NCOA2: variants seen among roughly 807,000 people sequenced by gnomAD.
The protein encoded by NCOA2 is class E basic helix-loop-helix protein 75.
In NCOA2, 21 loss-of-function variants were observed where a neutral mutation model predicts 145.1. The observed-to-expected ratio is 0.14, with a 90% CI of 0.10 to 0.21. NCOA2 has a LOEUF of 0.21. Among genes scored for constraint, NCOA2 ranks in the 10% least tolerant of loss-of-function variants. The pLI is 1.00. For synonymous variants in NCOA2, 619 were observed against 637.5 expected, an observed-to-expected ratio of 0.97 and a Z score of 0.44; for missense variants, 1,472 against 1,837.6, an observed-to-expected ratio of 0.80 and a Z score of 3.64.
At chr8:70,367,041 T>C (rs1027624408) in intron 1 of NCOA2, among the ~76,000 whole-genome samples, 11 of 152,226 alleles carry the variant, frequency 7.2e-5, no homozygotes, top group African/African-American at 2.7e-4. Context: ...AGAAATCTTC[T>C]ACAGTTCTCC....
intron 2 of NCOA2, among the ~76,000 whole-genome samples, chr8:70,243,789 T>TG (rs1276799626): frequency 3.0e-5 from 2 of 66,252 alleles, no homozygotes; most frequent in African/African-American, 9.0e-5. Context: ...AAATAAAAAA[T>TG]GGAAAAAAAA....
At chr8:70,182,672 A>G (rs62533472) in intron 4 of NCOA2, among the ~76,000 whole-genome samples, 14,910 of 152,214 alleles carry the variant, frequency 0.098, 980 homozygotes, top group Non-Finnish European at 0.15. Flanking sequence ...TATAGTACCT[A>G]TCAGTATTGA....
chr8:70,308,859 T>A (rs1388394744), intron 1 of NCOA2, among the ~76,000 whole-genome samples: 1 of 152,172 alleles, frequency 6.6e-6, no homozygotes, highest in Non-Finnish European at 1.5e-5. Flanking sequence ...GAACAGAAAC[T>A]GTGAAAGATT....
intron 1 of NCOA2, among the ~76,000 whole-genome samples, chr8:70,363,627 T>A (rs1586601288): frequency 6.6e-6 from 1 of 152,128 alleles, no homozygotes; most frequent in Admixed American, 6.5e-5. Context: ...AAACTACTCA[T>A]ACACCCAACA....
Position 70,273,821 on chromosome 8 carries a change from T to G in NCOA2, c.-20+22923A>C, listed in dbSNP as rs973106332. 7.0e-6 allele frequency: 4 copies of G among 568,758 alleles called. No homozygotes were observed. In the African/African-American group the frequency reaches 7.5e-5, roughly 11 times the overall value. 35.2% of individuals were successfully genotyped at this position (568,758 alleles called of 1,614,324 possible). A position where few individuals can be genotyped will look rare whatever the true frequency, so the allele number is the denominator to read the frequency against. On this transcript the variant is annotated intron_variant, in intron 2 of 22. Coordinates refer to ENST00000452400, the MANE Select transcript of NCOA2 (RefSeq NM_006540.4). ...ATCTTGTGGAGAATTTGGATGAGGCTTCCAAGAATGAGGCAAACTGAAGTG... is the reference window on the plus strand; with the variant it reads ...ATCTTGTGGAGAATTTGGATGAGGCGTCCAAGAATGAGGCAAACTGAAGTG...
chr8:70,325,960 T>C (rs956537939), intron 1 of NCOA2, among the ~76,000 whole-genome samples: 15 of 152,130 alleles, frequency 9.9e-5, no homozygotes, highest in Admixed American at 3.3e-4. Flanking sequence ...ACCATTCTAA[T>C]AGCAGAGGCA....
upstream of NCOA2, among the ~76,000 whole-genome samples, chr8:70,405,013 CTG>C (rs1814705369): frequency 6.6e-6 from 1 of 152,186 alleles, no homozygotes; most frequent in Admixed American, 6.5e-5. Flanking sequence ...GTGAATCTGA[CTG>C]TGCTAGGTGA....
At chr8:70,441,813 AAAGAAGAAAG>A in the NCOA2 span, among the ~76,000 whole-genome samples, 5 of 143,582 alleles carry the variant, frequency 3.5e-5, no homozygotes, top group African/African-American at 5.4e-5. Context: ...AGAAAGAAAG[AAAGAAGAAAG>A]AAGAAAGAAA....
At chr8:70,371,523 GA>G (rs954645101) in intron 1 of NCOA2, among the ~76,000 whole-genome samples, 1 of 151,792 alleles carries the variant, frequency 6.6e-6, no homozygotes, top group Non-Finnish European at 1.5e-5. Context: ...TGATTTTATG[GA>G]AAAAAAGGAC....
intron 1 of NCOA2, among the ~76,000 whole-genome samples, chr8:70,382,517 A>T (rs1812295308): frequency 6.6e-6 from 1 of 152,198 alleles, no homozygotes; most frequent in Non-Finnish European, 1.5e-5. Flanking sequence ...TATCTGTTGC[A>T]CCAGGTCCAC....
chr8:70,345,718 C>A (rs534299215), intron 1 of NCOA2, among the ~76,000 whole-genome samples: 2 of 152,070 alleles, frequency 1.3e-5, no homozygotes, highest in African/African-American at 4.8e-5. Flanking sequence ...TAGTCCAACA[C>A]CCTCAAAAAT....
chr8:70,413,682 C>G, the NCOA2 span, among the ~76,000 whole-genome samples: 1 of 152,200 alleles, frequency 6.6e-6, no homozygotes, highest in Non-Finnish European at 1.5e-5. Flanking sequence ...AACACCCACT[C>G]CAGCAATAGT....
chr8:70,298,252 G>A (rs1283370343), intron 1 of NCOA2, among the ~76,000 whole-genome samples: 2 of 152,228 alleles, frequency 1.3e-5, no homozygotes, highest in East Asian at 3.9e-4. Context: ...ATTTTTCTTG[G>A]ACACTAGAAA....
the NCOA2 span, among the ~76,000 whole-genome samples, chr8:70,430,544 G>A: frequency 6.6e-6 from 1 of 152,128 alleles, no homozygotes; most frequent in South Asian, 2.1e-4. Context: ...TCTGCCTTGT[G>A]GCAGTTCCTC....
intron 2 of NCOA2, among the ~76,000 whole-genome samples, chr8:70,291,331 T>C (rs1032924752): frequency 6.6e-5 from 10 of 152,298 alleles, no homozygotes; most frequent in African/African-American, 2.4e-4. Flanking sequence ...TCAAAAGATT[T>C]ACACAAGATA....
chr8:70,259,303 A>G (rs115279438), intron 2 of NCOA2, among the ~76,000 whole-genome samples: 1,831 of 152,284 alleles, frequency 0.012, 49 homozygotes, highest in African/African-American at 0.042. Context: ...AAATAAGGAC[A>G]AAAAAGTAGA....
At chr8:70,402,664 C>G (rs1175710224) in intron 1 of NCOA2, 1 of 152,046 alleles carries the variant, frequency 6.6e-6, no homozygotes, top group African/African-American at 2.4e-5. Context: ...GCCACAGGGC[C>G]CCTCCCGCTT....
the NCOA2 span, among the ~76,000 whole-genome samples, chr8:70,425,281 T>A: frequency 6.6e-6 from 1 of 152,196 alleles, no homozygotes; most frequent in African/African-American, 2.4e-5. Context: ...TTATTTTTTT[T>A]AATCTGCATT....
At chr8:70,257,067 T>A (rs1325801183) in intron 2 of NCOA2, among the ~76,000 whole-genome samples, 1 of 152,214 alleles carries the variant, frequency 6.6e-6, no homozygotes, top group African/African-American at 2.4e-5. Context: ...GGTACTAGTT[T>A]AGTCCACTTT....
Sources: allele counts gnomAD v4.1 joint callset (sites outside exome capture counted in the v4.1 genomes callset), GRCh38; gene constraint gnomAD v4.1.1; transcripts MANE v1.5; gene names NCBI Gene and HGNC (gene_info 2026-07-23, HGNC 2026-07-21).